The following LRFN5 variants were observed in gnomAD, a reference collection of about 807,000 sequenced individuals.
LRFN5 encodes the protein leucine-rich repeat and fibronectin type-III domain-containing protein 5.
In LRFN5, 24 loss-of-function variants were observed where a neutral mutation model predicts 45.6. The ratio of observed to expected loss-of-function variants is 0.53; its 90% confidence interval spans 0.38 to 0.74. The LOEUF (loss-of-function observed/expected upper bound fraction) is 0.74. Among genes scored for constraint, LRFN5 ranks in the 30% least tolerant of loss-of-function variants. LRFN5 has a pLI of 0.00. For missense variants in LRFN5, 776 were observed against 861.5 expected, an observed-to-expected ratio of 0.90 and a Z score of 1.24; for synonymous variants, 340 against 313.8, an observed-to-expected ratio of 1.08 and a Z score of -0.88.
intron 1 of LRFN5, among the ~76,000 whole-genome samples, chr14:41,737,340 T>C (rs150893341): frequency 6.6e-6 from 1 of 152,266 alleles, no homozygotes; most frequent in Non-Finnish European, 1.5e-5. Context: ...TAGGTACTGA[T>C]GAAACGTATC....
chr14:41,653,728 G>A (rs536035913), intron 1 of LRFN5, among the ~76,000 whole-genome samples: 19 of 152,206 alleles, frequency 1.2e-4, no homozygotes, highest in Middle Eastern at 6.8e-3. Context: ...GAGGCAGGAT[G>A]GGAGATAGGT....
chr14:41,887,624 A>G lies in LRFN5; in HGVS notation c.999A>G (p.Arg333=), dbSNP rs1890621175. The change falls in exon 3 of 6, where the codon AGA becomes AGG. Residue 333 remains arginine (R), a synonymous_variant. Transcript: ENST00000298119. The surrounding 1 kb of genome is among the most constrained non-coding windows in gnomAD (Gnocchi z 4.8). The stretch of plus-strand genomic sequence containing the variant: ...GGAAGCTTATTTCAAATGCAACAAG[A>G]TCTCTGGTGTATGATAACGGAACAC... ...PEGKLISNAT[R]SLVYDNGTLD... 1 of 1,614,180 alleles carries G rather than the reference A, an allele frequency of 6.2e-7. No individual in the cohort carries two copies. The highest frequency in any genetic ancestry group is 8.5e-7 in the Non-Finnish European group (1 of 1,180,034).
chr14:41,740,977 G>A (rs1352112246), intron 1 of LRFN5, among the ~76,000 whole-genome samples: 1 of 151,670 alleles, frequency 6.6e-6, no homozygotes, highest in Admixed American at 6.6e-5. Flanking sequence ...ATTTACAATA[G>A]CATCCAAAAA....
intron 2 of LRFN5, among the ~76,000 whole-genome samples, chr14:41,865,965 C>T (rs942737847): frequency 6.6e-6 from 1 of 152,136 alleles, no homozygotes; most frequent in Non-Finnish European, 1.5e-5. Context: ...AGACCCTTAT[C>T]ATAAGTATGA....
intron 1 of LRFN5, among the ~76,000 whole-genome samples, chr14:41,689,873 CCA>C (rs1882292537): frequency 7.6e-6 from 1 of 131,254 alleles, no homozygotes; most frequent in Non-Finnish European, 1.6e-5. Flanking sequence ...TCCACCTGGG[CCA>C]CAGAGCGAGA....
intron 5 of LRFN5, among the ~76,000 whole-genome samples, chr14:41,901,712 G>A (rs1179056056): frequency 1.3e-5 from 2 of 151,934 alleles, no homozygotes; most frequent in Non-Finnish European, 2.9e-5. Context: ...GGAAAACACA[G>A]GGTTAGGAAA....
At chr14:41,645,483 A>AT (rs1391377636) in intron 1 of LRFN5, among the ~76,000 whole-genome samples, 1 of 149,638 alleles carries the variant, frequency 6.7e-6, no homozygotes, top group Non-Finnish European at 1.5e-5. Context: ...ATATGCTTAC[A>AT]TTTTTTGAGA....
chr14:41,696,361 G>T (rs903910868), intron 1 of LRFN5, among the ~76,000 whole-genome samples: 2 of 151,962 alleles, frequency 1.3e-5, no homozygotes, highest in African/African-American at 2.4e-5. Context: ...CAAGGTTTGA[G>T]AGGATTGATT....
At position 41,891,417 on chromosome 14, in the gene LRFN5, A is replaced by G; in HGVS notation, c.1553A>G (p.His518Arg). ...ACGGAACAGGATTATGTGCGTTGCC[A>G]TTTCATGCAGTCTCAGTTTTTGGGA... is the stretch of plus-strand genomic sequence containing the variant. ...FTTEQDYVRC[H>R]FMQSQFLGGT... The change falls in exon 4 of 6, where the codon CAT (histidine) becomes CGT (arginine). Residue 518 changes from histidine (H) to arginine (R), a missense_variant. Physicochemically the swap from His to Arg is conservative, Grantham distance 29 (BLOSUM62 0). Coordinates refer to ENST00000298119, the MANE Select transcript of LRFN5 (RefSeq NM_152447.5). 1 of 1,614,080 alleles carries G rather than the reference A, an allele frequency of 6.2e-7. No individual in the cohort carries two copies. Among genetic ancestry groups the G allele is most frequent in the Non-Finnish European group, 8.5e-7 (1 of 1,180,030 alleles).
chr14:41,812,467 G>T (rs1438499290), intron 2 of LRFN5, among the ~76,000 whole-genome samples: 1 of 151,642 alleles, frequency 6.6e-6, no homozygotes, highest in Non-Finnish European at 1.5e-5. Context: ...CCTTCTGGGG[G>T]TACTGATTCC....
At chr14:41,634,379 G>A (rs573976553) in intron 1 of LRFN5, among the ~76,000 whole-genome samples, 2 of 152,252 alleles carry the variant, frequency 1.3e-5, no homozygotes, top group African/African-American at 4.8e-5. Context: ...TCCAGAGATA[G>A]CCCTCTGTCT....
chr14:41,812,174 T>C (rs1887759289), intron 2 of LRFN5, among the ~76,000 whole-genome samples: 2 of 152,178 alleles, frequency 1.3e-5, no homozygotes, highest in South Asian at 4.1e-4. Context: ...GTTATTACCT[T>C]ACACAAATCC....
intron 1 of LRFN5, among the ~76,000 whole-genome samples, chr14:41,613,672 G>C (rs372207894): frequency 6.6e-6 from 1 of 151,828 alleles, no homozygotes; most frequent in African/African-American, 2.4e-5. Context: ...TACAATAAAT[G>C]ATTAAGGTTT....
chr14:41,829,998 C>A (rs1378712379), intron 2 of LRFN5, among the ~76,000 whole-genome samples: 1 of 151,052 alleles, frequency 6.6e-6, no homozygotes, highest in Non-Finnish European at 1.5e-5. Context: ...CTATTTAGAG[C>A]TTTGGATTTA....
At chr14:41,796,665 T>C (rs1887142889) in intron 2 of LRFN5, among the ~76,000 whole-genome samples, 1 of 151,944 alleles carries the variant, frequency 6.6e-6, no homozygotes, top group Admixed American at 6.6e-5. Context: ...ACTATATCAA[T>C]GTATATTAAT....
At chr14:41,856,678 T>TTATTATTATTATTTTTTTA (rs1566486504) in intron 2 of LRFN5, among the ~76,000 whole-genome samples, 1 of 3,754 alleles carries the variant, frequency 2.7e-4, no homozygotes, top group African/African-American at 4.5e-4. Context: ...TATTATTATT[T>TTATTATTATTATTTTTTTA]TTTTTTTTTT....
At chr14:41,893,442 G>A in intron 4 of LRFN5, 2 of 984,980 alleles carry the variant, frequency 2.0e-6, no homozygotes, top group Non-Finnish European at 2.4e-6. Flanking sequence ...CCATTGCTTT[G>A]CACAAAAGAA....
At chr14:41,852,516 A>C (rs553666327) in intron 2 of LRFN5, among the ~76,000 whole-genome samples, 1 of 152,070 alleles carries the variant, frequency 6.6e-6, no homozygotes, top group Admixed American at 6.6e-5. Context: ...ATTATGAAAG[A>C]CATTCAGACT....
intron 5 of LRFN5, among the ~76,000 whole-genome samples, 168 bp downstream of exon 5, chr14:41,899,128 T>C (rs2139177298): frequency 6.6e-6 from 1 of 152,252 alleles, no homozygotes; most frequent in East Asian, 1.9e-4. Context: ...TTTGATTAAG[T>C]GAATTCACAG....
Sources: allele counts gnomAD v4.1 joint callset (sites outside exome capture counted in the v4.1 genomes callset), GRCh38; gene constraint gnomAD v4.1.1; non-coding constraint Gnocchi (gnomAD v3.1); transcripts MANE v1.5; gene names NCBI Gene and HGNC (gene_info 2026-07-23, HGNC 2026-07-21).